DAOA: variants seen among roughly 807,000 people sequenced by gnomAD.
The protein encoded by DAOA is D-amino acid oxidase activator.
Under a neutral mutation model 16.4 loss-of-function variants are expected in DAOA, and 15 were observed. The observed-to-expected ratio is 0.91, with a 90% CI of 0.61 to 1.41. The LOEUF is 1.41. DAOA is among the 40% of genes most tolerant of loss of function. The pLI, the probability that DAOA is intolerant of heterozygous loss-of-function variation, is 0.00. For missense variants in DAOA, 230 were observed against 176.8 expected (o/e 1.30, Z -1.71); for synonymous variants, 75 against 59.1 (o/e 1.27, Z -1.23).
intron 4 of DAOA, among the ~76,000 whole-genome samples, chr13:105,476,581 A>G (rs1490158232): frequency 6.6e-6 from 1 of 151,718 alleles, no homozygotes; most frequent in African/African-American, 2.4e-5. Flanking sequence ...TCGGTGATTT[A>G]TGATGTGGGT....
intron 4 of DAOA, among the ~76,000 whole-genome samples, chr13:105,487,130 A>G (rs967537612): frequency 6.6e-6 from 1 of 152,192 alleles, no homozygotes; most frequent in Admixed American, 6.6e-5. Flanking sequence ...AGCAGAGGGT[A>G]GAGAATAACA....
chr13:105,474,934 G>T (rs913161545), intron 4 of DAOA: 1 of 746,218 alleles, frequency 1.3e-6, no homozygotes, highest in Non-Finnish European at 1.6e-6. Flanking sequence ...GCAGAAGATT[G>T]TATTTCCCGT....
chr13:105,482,596 G>A (rs747281988), intron 4 of DAOA, among the ~76,000 whole-genome samples: 6 of 148,770 alleles, frequency 4.0e-5, no homozygotes, highest in African/African-American at 7.5e-5. Flanking sequence ...TGCAACCTCC[G>A]CCTCCCAGGT....
At chr13:105,477,144 T>C (rs1446618113) in intron 4 of DAOA, 1 of 152,162 alleles carries the variant, frequency 6.6e-6, no homozygotes, top group Non-Finnish European at 1.5e-5. Context: ...GGCCTTTATG[T>C]CAGAAGCTGA....
At chr13:105,469,264 G>A (rs1039055222) in intron 3 of DAOA, among the ~76,000 whole-genome samples, 1 of 152,222 alleles carries the variant, frequency 6.6e-6, no homozygotes, top group Admixed American at 6.5e-5. Context: ...AACCACCTAG[G>A]TGTGTACCGT....
intron 4 of DAOA, among the ~76,000 whole-genome samples, chr13:105,482,344 T>G (rs2139194717): frequency 6.6e-6 from 1 of 150,546 alleles, no homozygotes; most frequent in South Asian, 2.1e-4. Context: ...ACGAATGGCC[T>G]TTTTTAACTC....
chr13:105,473,315 T>C (rs1453391267), intron 4 of DAOA, among the ~76,000 whole-genome samples: 1 of 152,130 alleles, frequency 6.6e-6, no homozygotes, highest in East Asian at 1.9e-4. Context: ...CCTCTTATGA[T>C]AATTATTTAA....
At chr13:105,474,072 T>C (rs761059883) in intron 4 of DAOA, among the ~76,000 whole-genome samples, 1 of 152,146 alleles carries the variant, frequency 6.6e-6, no homozygotes, top group Non-Finnish European at 1.5e-5. Context: ...TATATTTTAT[T>C]TATCCGTGTT....
At chr13:105,469,100 T>C (rs1338085451) in intron 3 of DAOA, among the ~76,000 whole-genome samples, 1 of 152,178 alleles carries the variant, frequency 6.6e-6, no homozygotes, top group Non-Finnish European at 1.5e-5. Context: ...GGCATCTACA[T>C]TTTCTACAGG....
chr13:105,469,626 T>A (rs184805699), intron 3 of DAOA, among the ~76,000 whole-genome samples: 1 of 152,342 alleles, frequency 6.6e-6, no homozygotes, highest in Admixed American at 6.5e-5. Flanking sequence ...CTCAAGGTTA[T>A]AAACTACTTT....
intron 5 of DAOA, 66 bp downstream of exon 5, chr13:105,490,258 A>G (rs1878426158): frequency 1.2e-6 from 1 of 808,078 alleles, no homozygotes; most frequent in Non-Finnish European, 1.6e-6. Flanking sequence ...TATGAATTAT[A>G]TTTTTATGAA....
At chr13:105,466,468 T>G (rs771445102) in intron 2 of DAOA, 136 bp downstream of exon 2, 136 of 1,419,828 alleles carry the variant, frequency 9.6e-5, no homozygotes, top group Non-Finnish European at 1.3e-4. Context: ...CTGAGCCCAG[T>G]ATATGGTTCA....
chr13:105,483,707 T>C (rs1364415138), intron 4 of DAOA, among the ~76,000 whole-genome samples: 1 of 152,084 alleles, frequency 6.6e-6, no homozygotes, highest in South Asian at 2.1e-4. Context: ...TTATTGAACA[T>C]TGAGGTTTCT....
At chr13:105,488,794 C>T (rs1438626696) in intron 4 of DAOA, among the ~76,000 whole-genome samples, 1 of 152,186 alleles carries the variant, frequency 6.6e-6, no homozygotes, top group Non-Finnish European at 1.5e-5. Flanking sequence ...AAGAAAATGT[C>T]CTCAATATGG....
intron 4 of DAOA, among the ~76,000 whole-genome samples, chr13:105,479,418 A>C (rs78759172): frequency 0.037 from 5,638 of 152,258 alleles, 138 homozygotes; most frequent in South Asian, 0.063. Flanking sequence ...GTGGCTTAAA[A>C]CAGTTTTAGG....
chr13:105,488,489 G>A (rs531213966), intron 4 of DAOA, among the ~76,000 whole-genome samples: 28 of 152,168 alleles, frequency 1.8e-4, no homozygotes, highest in African/African-American at 6.7e-4. Flanking sequence ...TCAACCTCAG[G>A]CACATAACAT....
intron 3 of DAOA, among the ~76,000 whole-genome samples, chr13:105,472,103 C>T (rs1389202033): frequency 6.6e-6 from 1 of 152,146 alleles, no homozygotes; most frequent in African/African-American, 2.4e-5. Context: ...GGAATCTTCC[C>T]AACAGTCACA....
chr13:105,470,608 T>A (rs1876862264), intron 3 of DAOA, among the ~76,000 whole-genome samples: 1 of 152,080 alleles, frequency 6.6e-6, no homozygotes, highest in African/African-American at 2.4e-5. Flanking sequence ...TTTATTTATT[T>A]GTTTATTTTA....
chr13:105,466,353 TA>T, intron 2 of DAOA, 21 bp downstream of exon 2: 1 of 1,613,892 alleles, frequency 6.2e-7, no homozygotes, highest in Non-Finnish European at 8.5e-7. Flanking sequence ...TGGGGTTTTT[TA>T]CAGCATGGCG....
Sources: gnomAD v4.1 joint callset for allele counts (sites outside exome capture counted in the v4.1 genomes callset) on GRCh38, gnomAD v4.1.1 for gene constraint, MANE v1.5 for transcripts, NCBI Gene and HGNC (gene_info 2026-07-23, HGNC 2026-07-21) for gene names.